The following ZNF841 variants were observed in gnomAD, a reference collection of about 807,000 sequenced individuals.
ZNF841 encodes TCONS_00006091.
A neutral mutation model predicts 13.0 loss-of-function variants in ZNF841; 11 were observed. The observed-to-expected ratio is 0.85, with a 90% CI of 0.53 to 1.40. ZNF841 has a LOEUF of 1.40. Ranked by LOEUF, ZNF841 falls within the 40% of genes most tolerant of loss-of-function variation. ZNF841 has a pLI of 0.00. For synonymous variants in ZNF841, 369 were observed against 381.6 expected (o/e 0.97, Z 0.38); for missense variants, 1,068 against 1,139.5 (o/e 0.94, Z 0.90).
At chr19:52,076,253 C>T in intron 5 of ZNF841, 81 bp from the exon 6 acceptor site, 1 of 1,470,022 alleles carries the variant, frequency 6.8e-7, no homozygotes, top group Non-Finnish European at 9.1e-7. Flanking sequence ...GAAAACACTG[C>T]AGTTGAATCT....
intron 3 of ZNF841, among the ~76,000 whole-genome samples, chr19:52,085,266 T>G (rs2088232258): frequency 1.3e-5 from 2 of 152,170 alleles, no homozygotes; most frequent in Non-Finnish European, 2.9e-5. Context: ...CAAATTAGAA[T>G]CAATTTGGGT....
chr19:52,079,759 A>G (rs1362801985), intron 4 of ZNF841, among the ~76,000 whole-genome samples: 3 of 152,188 alleles, frequency 2.0e-5, no homozygotes, highest in Non-Finnish European at 4.4e-5. Context: ...TGGGAGGCCA[A>G]GGCGGGAGGA....
chr19:52,069,558 T>C (rs1600082539), intron 6 of ZNF841, among the ~76,000 whole-genome samples: 1 of 152,212 alleles, frequency 6.6e-6, no homozygotes. Flanking sequence ...AAAATTCCTA[T>C]GTTAAGGCCC....
intron 3 of ZNF841, among the ~76,000 whole-genome samples, chr19:52,086,284 T>G (rs548678907): frequency 1.7e-3 from 262 of 152,192 alleles, no homozygotes; most frequent in African/African-American, 6.1e-3. Context: ...GGGGGTGGAT[T>G]TGTGATGAAT....
chr19:52,082,623 T>G (rs1038546225), intron 4 of ZNF841, among the ~76,000 whole-genome samples: 2 of 152,176 alleles, frequency 1.3e-5, no homozygotes, highest in African/African-American at 2.4e-5. Flanking sequence ...GAACTGCCAT[T>G]GAAGTAACCC....
chr19:52,059,394 C>T, the ZNF841 span, among the ~76,000 whole-genome samples: 6,931 of 94,194 alleles, frequency 0.074, 638 homozygotes, highest in African/African-American at 0.25. Context: ...TATATATACA[C>T]ACACACACAC....
chr19:52,072,603 T>G (rs904759733), intron 6 of ZNF841, among the ~76,000 whole-genome samples: 2 of 151,922 alleles, frequency 1.3e-5, no homozygotes, highest in South Asian at 4.1e-4. Context: ...GCAATTTGGG[T>G]GGCTGAGGCA....
chr19:52,065,264 C>CT lies in ZNF841; in HGVS notation c.2617dup (p.Ser873LysfsTer2). 1.2e-6 allele frequency: 2 copies of CT among 1,613,962 alleles called. No individual in the cohort carries two copies. Among genetic ancestry groups the CT allele is most frequent in the Non-Finnish European group, 1.7e-6 (2 of 1,179,922 alleles). On this transcript the variant is annotated frameshift_variant, in exon 7 of 7. Coordinates refer to ENST00000594440, the MANE Select transcript of ZNF841 (RefSeq NM_001136499.2). LOFTEE classifies it low-confidence loss of function (END_TRUNC). ...CTCATTACATTTATAAGGTTTTTCACTAGAATGAATTCGTTGGTGTTTAGT... is the reference window on the plus strand; with the variant it reads ...CTCATTACATTTATAAGGTTTTTCACTTAGAATGAATTCGTTGGTGTTTAGT...
rs575795356 is a variant in ZNF841, at chr19:52,083,168, C to T, written c.15+1619G>A. The stretch of plus-strand genomic sequence containing the variant: ...ATTGTTTTCTAAAATCTCATAATGA[C>T]GTGTAAATGCATCTTGACACCTCTC... On this transcript the variant is annotated intron_variant, in intron 4 of 6. Transcript: ENST00000594440. Among the ~76,000 whole-genome samples the T allele has an allele frequency of 5.3e-5, 8 of 151,994 alleles. No homozygotes were observed. The East Asian group carries it at 1.4e-3, about 26-fold the overall frequency.
downstream of ZNF841, chr19:52,063,839 T>C (rs1406585628): frequency 1.6e-4 from 24 of 152,226 alleles, no homozygotes; most frequent in Admixed American, 1.6e-3. Context: ...CATACATTTA[T>C]ACGATTTCTT....
downstream of ZNF841, among the ~76,000 whole-genome samples, chr19:52,060,669 T>C (rs1453332768): frequency 6.6e-6 from 1 of 152,306 alleles, no homozygotes; most frequent in East Asian, 1.9e-4. Flanking sequence ...CAGGGATGGC[T>C]GCCCTGCCCA....
At chr19:52,084,153 C>A (rs896671966) in intron 4 of ZNF841, among the ~76,000 whole-genome samples, 5 of 152,064 alleles carry the variant, frequency 3.3e-5, no homozygotes, top group Non-Finnish European at 5.9e-5. Flanking sequence ...ACCACATTCT[C>A]TGTGGGATGG....
chr19:52,090,511 G>A (rs886786878), intron 2 of ZNF841, among the ~76,000 whole-genome samples: 1 of 151,660 alleles, frequency 6.6e-6, no homozygotes. Context: ...AGGCAGGAGG[G>A]TTGCCTGAGC....
intron 3 of ZNF841, 142 bp from the exon 4 acceptor site, chr19:52,085,020 C>G: frequency 3.5e-6 from 2 of 572,680 alleles, no homozygotes; most frequent in South Asian, 4.6e-5. Flanking sequence ...AACTCCTACA[C>G]AAAGACCAAG....
the ZNF841 span, chr19:52,058,718 T>A: frequency 6.5e-6 from 1 of 153,124 alleles, no homozygotes; most frequent in South Asian, 2.1e-4. Context: ...TATAAGACTA[T>A]AAAAATTGAA....
intron 2 of ZNF841, among the ~76,000 whole-genome samples, chr19:52,090,663 G>A (rs2088450674): frequency 8.0e-6 from 1 of 124,278 alleles, no homozygotes; most frequent in African/African-American, 3.1e-5. Context: ...AGGAAAGAAA[G>A]AAAGAAAGAA....
intron 3 of ZNF841, among the ~76,000 whole-genome samples, chr19:52,088,704 C>T (rs1490163754): frequency 2.6e-5 from 4 of 152,126 alleles, no homozygotes; most frequent in African/African-American, 4.8e-5. Context: ...TAATGTGCCC[C>T]GTGATGTTAA....
At chr19:52,061,763 C>T (rs571985727), downstream of ZNF841, among the ~76,000 whole-genome samples, 1 of 152,196 alleles carries the variant, frequency 6.6e-6, no homozygotes, top group East Asian at 1.9e-4. Context: ...TCAGGCTGGT[C>T]TCGAACTCCC....
In ZNF841 at chr19:52,066,000, T is replaced by C. The variant is rs1025614237; in HGVS notation, c.1882A>G (p.Asn628Asp). The change falls in exon 7 of 7, where the codon AAC becomes GAC. Residue 628 changes from asparagine to aspartate, a missense_variant. Asn to Asp is a conservative substitution (Grantham distance 23). Coordinates refer to ENST00000594440, the MANE Select transcript of ZNF841 (RefSeq NM_001136499.2). Reference protein sequence around the residue: ...SHTGEKPFQCNECGKVFSYYS... With the variant: ...SHTGEKPFQCDECGKVFSYYS... ...TAACTGAAGACCTTGCCGCATTCGT[T>C]ACACTGGAAAGGTTTCTCTCCGGTA... 6.2e-7 allele frequency: 1 copy of C among 1,614,154 alleles called. No homozygotes were observed. The highest frequency in any genetic ancestry group is 8.5e-7 in the Non-Finnish European group (1 of 1,179,970).
Sources: gnomAD v4.1 joint callset for allele counts (sites outside exome capture counted in the v4.1 genomes callset) on GRCh38, gnomAD v4.1.1 for gene constraint, MANE v1.5 for transcripts, NCBI Gene and HGNC (gene_info 2026-07-23, HGNC 2026-07-21) for gene names.